Variants in DLGAP2 observed in about 807,000 individuals in gnomAD.
DLGAP2 encodes DLG associated protein 2.
DLGAP2 carries 26 observed loss-of-function variants against 100.3 expected under a neutral mutation model. The observed-to-expected ratio is 0.26, with a 90% CI of 0.19 to 0.36. DLGAP2 has a LOEUF of 0.36. Among genes scored for constraint, DLGAP2 ranks in the 10% least tolerant of loss-of-function variants. The pLI, the probability that DLGAP2 is intolerant of heterozygous loss-of-function variation, is 1.00. For synonymous variants in DLGAP2, 886 were observed against 630.1 expected (o/e 1.41, Z -6.08); for missense variants, 1,858 against 1,453.2 (o/e 1.28, Z -4.53).
chr8:1,173,849 G>C (rs542557132), intron 2 of DLGAP2, among the ~76,000 whole-genome samples: 3 of 152,338 alleles, frequency 2.0e-5, no homozygotes, highest in East Asian at 1.9e-4. Flanking sequence ...GAGGCAATGC[G>C]TCGCCCTGCT....
chr8:1,384,265 A>C (rs530921886), intron 3 of DLGAP2, among the ~76,000 whole-genome samples: 1 of 152,256 alleles, frequency 6.6e-6, no homozygotes, highest in Admixed American at 6.5e-5. Context: ...TTGTGACTGC[A>C]CAGTCGCTGC....
intron 2 of DLGAP2, among the ~76,000 whole-genome samples, chr8:955,142 C>G (rs1295891686): frequency 2.0e-5 from 3 of 152,014 alleles, no homozygotes; most frequent in Non-Finnish European, 2.9e-5. Context: ...GCGTCATCAC[C>G]TGGCAGGTCT....
intron 2 of DLGAP2, among the ~76,000 whole-genome samples, chr8:1,021,040 C>T (rs1001671976): frequency 6.6e-5 from 10 of 152,324 alleles, no homozygotes; most frequent in Middle Eastern, 3.4e-3. Flanking sequence ...TTACCATGCA[C>T]GTGTCACACC....
chr8:895,459 C>T (rs1184968022), intron 1 of DLGAP2, among the ~76,000 whole-genome samples: 1 of 152,168 alleles, frequency 6.6e-6, no homozygotes, highest in Admixed American at 6.5e-5. Flanking sequence ...CTGGACGCTG[C>T]CCGTCCCCCC....
In DLGAP2 at chr8:1,334,565, G is replaced by A. The variant is rs73670767; in HGVS notation, c.106+75682G>A. Among the ~76,000 whole-genome samples, 214 of 152,254 alleles carry A rather than the reference G, an allele frequency of 1.4e-3. 1 individual carries two copies. The highest frequency in any genetic ancestry group is 5.0e-3 in the African/African-American group (206 of 41,552). Reference sequence around the variant, plus strand: ...GGAAGTCACGCAGATGTGAGTGTGAGAGGTGGGCCCTTCCCCACCTGCCCT... The same window carrying A: ...GGAAGTCACGCAGATGTGAGTGTGAAAGGTGGGCCCTTCCCCACCTGCCCT... On this transcript the variant is annotated intron_variant, in intron 3 of 14. Transcript: ENST00000637795.
chr8:747,340 T>A (rs1479653801), intron 1 of DLGAP2, among the ~76,000 whole-genome samples: 1 of 152,056 alleles, frequency 6.6e-6, no homozygotes, highest in Non-Finnish European at 1.5e-5. Flanking sequence ...CGAGCCGTAG[T>A]GACAAATGCA....
chr8:919,590 T>C (rs1183010123), intron 2 of DLGAP2, among the ~76,000 whole-genome samples: 3 of 152,154 alleles, frequency 2.0e-5, no homozygotes, highest in East Asian at 3.9e-4. Flanking sequence ...ACTGGGGTCC[T>C]GAGAATAGGA....
At chr8:929,899 A>C (rs1000251248) in intron 2 of DLGAP2, among the ~76,000 whole-genome samples, 2 of 151,830 alleles carry the variant, frequency 1.3e-5, no homozygotes, top group African/African-American at 4.8e-5. Context: ...TGTATTGGGC[A>C]CTATAGAAAT....
At chr8:810,110 T>G (rs1417156195) in intron 1 of DLGAP2, among the ~76,000 whole-genome samples, 1 of 152,204 alleles carries the variant, frequency 6.6e-6, no homozygotes, top group Non-Finnish European at 1.5e-5. Flanking sequence ...TGTTCATGAC[T>G]TGTAGGTCTT....
chr8:1,505,322 A>G (rs149377530), intron 4 of DLGAP2, among the ~76,000 whole-genome samples: 5 of 152,352 alleles, frequency 3.3e-5, no homozygotes, highest in African/African-American at 1.2e-4. Flanking sequence ...ACAGCACAGT[A>G]TAGGTTAAAG....
chr8:1,072,411 A>G (rs1405431486), intron 2 of DLGAP2, among the ~76,000 whole-genome samples: 2 of 152,264 alleles, frequency 1.3e-5, no homozygotes, highest in African/African-American at 4.8e-5. Flanking sequence ...TTTGATTTGT[A>G]GAAATCTTTA....
At chr8:1,492,105 C>T (rs894241341) in intron 3 of DLGAP2, among the ~76,000 whole-genome samples, 3 of 152,180 alleles carry the variant, frequency 2.0e-5, no homozygotes, top group Non-Finnish European at 2.9e-5. Context: ...TGACATTTAA[C>T]CACTGGTAAA....
At chr8:984,071 G>A (rs1052391091) in intron 2 of DLGAP2, among the ~76,000 whole-genome samples, 4 of 152,226 alleles carry the variant, frequency 2.6e-5, no homozygotes, top group African/African-American at 4.8e-5. Flanking sequence ...GGTGTCTCAT[G>A]TGTAGCTTTT....
chr8:793,489 C>T (rs938311447), intron 1 of DLGAP2, among the ~76,000 whole-genome samples: 3 of 152,216 alleles, frequency 2.0e-5, no homozygotes, highest in African/African-American at 7.2e-5. Flanking sequence ...GGCTTCCCCG[C>T]ACCACGCTGC....
chr8:1,079,897 G>A lies in DLGAP2; in HGVS notation c.73+171931G>A, dbSNP rs545363402. 1.2e-4 allele frequency among the ~76,000 whole-genome samples: 18 copies of A among 152,324 alleles called. No individual in the cohort carries two copies. In the South Asian group the frequency reaches 2.3e-3, roughly 19 times the overall value. On this transcript the variant is annotated intron_variant, in intron 2 of 14. Coordinates refer to ENST00000637795, the MANE Select transcript of DLGAP2 (RefSeq NM_001346810.2). ...ACGTGGCAGGCAGCTGGGGCCGCAC[G>A]GCCCTGTGAGGGCACAGGCTGGTTA...
chr8:1,287,266 G>A (rs1477205955), intron 3 of DLGAP2, among the ~76,000 whole-genome samples: 2 of 46,520 alleles, frequency 4.3e-5, no homozygotes, highest in Non-Finnish European at 7.9e-5. Flanking sequence ...TTAGTTCAGC[G>A]TGTGTGTGTG....
intron 2 of DLGAP2, among the ~76,000 whole-genome samples, chr8:1,182,140 G>A (rs995803673): frequency 3.3e-5 from 5 of 152,252 alleles, no homozygotes; most frequent in African/African-American, 1.2e-4. Context: ...TTCCTGAGGT[G>A]GCGAGTCATG....
chr8:1,581,099 A>G (rs1219273240), intron 6 of DLGAP2, among the ~76,000 whole-genome samples: 2 of 151,958 alleles, frequency 1.3e-5, no homozygotes, highest in Non-Finnish European at 1.5e-5. Context: ...TCAAACTACC[A>G]GAAGTGAAGG....
chr8:772,719 C>T (rs62485575), intron 1 of DLGAP2, among the ~76,000 whole-genome samples: 29,332 of 152,158 alleles, frequency 0.19, 3,307 homozygotes, highest in Non-Finnish European at 0.25. Flanking sequence ...GGACAGGCAA[C>T]GTTACAGGTG....
Sources: gnomAD v4.1 joint callset for allele counts (sites outside exome capture counted in the v4.1 genomes callset) on GRCh38, gnomAD v4.1.1 for gene constraint, MANE v1.5 for transcripts, NCBI Gene and HGNC (gene_info 2026-07-23, HGNC 2026-07-21) for gene names.